BLTP3B: variants seen among roughly 807,000 people sequenced by gnomAD.
The protein encoded by BLTP3B is UHRF1 (ICBP90) binding protein 1-like.
the BLTP3B span, chr12:100,050,349 T>A: frequency 6.4e-7 from 1 of 1,566,470 alleles, no homozygotes; most frequent in African/African-American, 1.4e-5. Context: ...AATATTAGTA[T>A]GCCAAGCAGT....
the BLTP3B span, chr12:100,084,373 T>C: frequency 1.8e-6 from 2 of 1,121,612 alleles, no homozygotes; most frequent in Non-Finnish European, 2.4e-6. Context: ...CAGGAAATAC[T>C]ATGATCACAC....
the BLTP3B span, among the ~76,000 whole-genome samples, chr12:100,106,299 T>C: frequency 6.7e-6 from 1 of 149,826 alleles, no homozygotes; most frequent in Admixed American, 6.6e-5. Context: ...AAAAGACACC[T>C]GGACACATAT....
chr12:100,123,938 A>G, the BLTP3B span, among the ~76,000 whole-genome samples: 1 of 152,238 alleles, frequency 6.6e-6, no homozygotes, highest in Admixed American at 6.5e-5. Context: ...TTTGGCCCAC[A>G]CAGTGTTTTT....
At chr12:100,055,334 A>G in the BLTP3B span, among the ~76,000 whole-genome samples, 1 of 152,200 alleles carries the variant, frequency 6.6e-6, no homozygotes, top group Non-Finnish European at 1.5e-5. Context: ...GATTAAATAC[A>G]TGTAAGACGC....
the BLTP3B span, among the ~76,000 whole-genome samples, chr12:100,113,838 T>C: frequency 1.3e-5 from 2 of 151,976 alleles, no homozygotes; most frequent in African/African-American, 2.4e-5. Context: ...CAATATTTCA[T>C]GGTATAACAT....
the BLTP3B span, among the ~76,000 whole-genome samples, chr12:100,101,333 C>T: frequency 6.6e-6 from 1 of 152,150 alleles, no homozygotes; most frequent in Admixed American, 6.5e-5. Context: ...ATGGCATGCA[C>T]TAACATAAAG....
At chr12:100,107,643 T>G in the BLTP3B span, among the ~76,000 whole-genome samples, 1 of 151,738 alleles carries the variant, frequency 6.6e-6, no homozygotes, top group African/African-American at 2.4e-5. Context: ...CAAAAAAAAA[T>G]CTCAAAATGA....
At chr12:100,095,942 T>G in the BLTP3B span, 1 of 1,080,434 alleles carries the variant, frequency 9.3e-7, no homozygotes, top group South Asian at 1.8e-5. Flanking sequence ...GAAATATGGA[T>G]TCTTCCTTCA....
the BLTP3B span, among the ~76,000 whole-genome samples, chr12:100,137,607 C>G: frequency 6.6e-6 from 1 of 152,154 alleles, no homozygotes; most frequent in African/African-American, 2.4e-5. Flanking sequence ...GCATGAGCCA[C>G]CACACCTGGC....
At chr12:100,077,333 T>G in the BLTP3B span, among the ~76,000 whole-genome samples, 44,111 of 152,116 alleles carry the variant, frequency 0.29, 9,518 homozygotes, top group African/African-American at 0.61. Context: ...GCCTAGGAGT[T>G]TAAGTAGGCT....
chr12:100,063,055 C>T, the BLTP3B span, among the ~76,000 whole-genome samples: 1 of 151,788 alleles, frequency 6.6e-6, no homozygotes, highest in African/African-American at 2.4e-5. Flanking sequence ...TGTTCAGGGA[C>T]AAGGTGGCAG....
the BLTP3B span, among the ~76,000 whole-genome samples, chr12:100,093,291 G>A: frequency 6.6e-6 from 1 of 152,044 alleles, no homozygotes; most frequent in Non-Finnish European, 1.5e-5. Context: ...TTGTTTTTAT[G>A]GCTACAGGCT....
At chr12:100,044,633 C>T in the BLTP3B span, among the ~76,000 whole-genome samples, 1 of 152,104 alleles carries the variant, frequency 6.6e-6, no homozygotes, top group Non-Finnish European at 1.5e-5. Flanking sequence ...AACTAACGTA[C>T]AGAAAAGTGC....
chr12:100,123,199 A>T, the BLTP3B span, among the ~76,000 whole-genome samples: 2 of 152,200 alleles, frequency 1.3e-5, no homozygotes, highest in Admixed American at 1.3e-4. Flanking sequence ...AACAAATATT[A>T]ACTGAGGACC....
At chr12:100,076,252 T>C in the BLTP3B span, among the ~76,000 whole-genome samples, 3 of 152,180 alleles carry the variant, frequency 2.0e-5, no homozygotes, top group African/African-American at 7.2e-5. Context: ...TTTCATTTAT[T>C]TGTTTTAGTT....
chr12:100,142,636 G>C, the BLTP3B span: 1 of 1,608,418 alleles, frequency 6.2e-7, no homozygotes, highest in South Asian at 1.1e-5. Flanking sequence ...TCCCGGCCAT[G>C]GTACCGAGGC....
At chr12:100,053,323 A>G in the BLTP3B span, among the ~76,000 whole-genome samples, 3,200 of 151,954 alleles carry the variant, frequency 0.021, 118 homozygotes, top group African/African-American at 0.073. Flanking sequence ...CAGGAGAATC[A>G]CTTGAACCCA....
chr12:100,141,473 T>G, the BLTP3B span, among the ~76,000 whole-genome samples: 1 of 151,992 alleles, frequency 6.6e-6, no homozygotes, highest in African/African-American at 2.4e-5. Context: ...GCTGCTATAC[T>G]TTGCTACTTT....
chr12:100,059,261 A>G, the BLTP3B span: 1 of 1,613,922 alleles, frequency 6.2e-7, no homozygotes, highest in East Asian at 2.2e-5. Flanking sequence ...TATTTCCTTT[A>G]TAAATTTCAT....
Sources: allele counts gnomAD v4.1 joint callset (sites outside exome capture counted in the v4.1 genomes callset), GRCh38; gene constraint gnomAD v4.1.1; transcripts MANE v1.5; gene names NCBI Gene and HGNC (gene_info 2026-07-23, HGNC 2026-07-21).